The following DLGAP3 variants were observed in gnomAD, a reference collection of about 807,000 sequenced individuals.
DLGAP3 encodes DLG associated protein 3.
DLGAP3 carries 17 observed loss-of-function variants against 81.2 expected under a neutral mutation model. The ratio of observed to expected loss-of-function variants is 0.21; its 90% confidence interval spans 0.14 to 0.31. The LOEUF (loss-of-function observed/expected upper bound fraction) is 0.31. Ranked by LOEUF, DLGAP3 falls within the 10% of genes least tolerant of loss-of-function variation. The pLI, the probability that DLGAP3 is intolerant of heterozygous loss-of-function variation, is 1.00. For synonymous variants in DLGAP3, 577 were observed against 587.4 expected, an observed-to-expected ratio of 0.98 and a Z score of 0.26; for missense variants, 1,124 against 1,388.0, an observed-to-expected ratio of 0.81 and a Z score of 3.02.
At chr1:34,928,484 C>G (rs937568669) in intron 1 of DLGAP3, among the ~76,000 whole-genome samples, 1 of 151,776 alleles carries the variant, frequency 6.6e-6, no homozygotes, top group African/African-American at 2.4e-5. Context: ...CCAGAGGGCA[C>G]CCCCTGAGGT....
Position 34,900,371 on chromosome 1 carries a change from C to CTTGAACA in DLGAP3, c.1108-105_1108-99dup. 1 of 1,268,374 alleles carries CTTGAACA rather than the reference C, an allele frequency of 7.9e-7. No homozygotes were observed. Among genetic ancestry groups the CTTGAACA allele is most frequent in the Non-Finnish European group, 1.1e-6 (1 of 878,014 alleles). The allele number at this position is 1,268,374 out of a possible 1,614,324, so 78.6% of individuals were successfully genotyped here. On this transcript the variant is annotated intron_variant, in intron 3 of 11. Transcript: ENST00000373347. The surrounding 1 kb of genome is among the most constrained non-coding windows in gnomAD (Gnocchi z 5.6). ...GCCAGTGGGAGATGCCCTGCCCTGG[C>CTTGAACA]TTGAACAGGCACACTCAGGTACATG...
intron 7 of DLGAP3, 42 bp downstream of exon 7, chr1:34,885,436 G>A (rs1363943760): frequency 1.1e-5 from 17 of 1,597,810 alleles, no homozygotes; most frequent in Admixed American, 1.7e-5. Context: ...AGCCCCGACC[G>A]ACCAGGGTCA....
chr1:34,870,872 A>G (rs1394794925), intron 8 of DLGAP3, among the ~76,000 whole-genome samples: 1 of 152,206 alleles, frequency 6.6e-6, no homozygotes, highest in African/African-American at 2.4e-5. Context: ...TGGCTTTCTC[A>G]CTGTGTGCCT....
At chr1:34,899,594 T>A in intron 5 of DLGAP3, 75 bp downstream of exon 5, 1 of 1,323,322 alleles carries the variant, frequency 7.6e-7, no homozygotes, top group Middle Eastern at 2.2e-4. Flanking sequence ...ACCCTCTGAT[T>A]TTAAGTCCTA....
chr1:34,885,842 T>A (rs1334737403), intron 6 of DLGAP3, 51 bp from the exon 7 acceptor site: 1 of 1,360,226 alleles, frequency 7.4e-7, no homozygotes, highest in East Asian at 2.6e-5. Flanking sequence ...CGGCCCTGCC[T>A]GGGTCCTGGG....
intron 5 of DLGAP3, among the ~76,000 whole-genome samples, chr1:34,890,782 C>T (rs1049926813): frequency 2.0e-5 from 3 of 152,234 alleles, no homozygotes; most frequent in Non-Finnish European, 4.4e-5. Flanking sequence ...TTGTGAGACA[C>T]TTGACCCAGT....
At chr1:34,909,960 T>G (rs972735172) in intron 1 of DLGAP3, among the ~76,000 whole-genome samples, 11 of 152,198 alleles carry the variant, frequency 7.2e-5, no homozygotes, top group African/African-American at 2.4e-4. Context: ...ATGATTCCAT[T>G]TTGGCTAATG....
At position 34,929,181 on chromosome 1, in the gene DLGAP3, T is replaced by C. The variant is rs934217818; in HGVS notation, c.-135+270A>G. Among the ~76,000 whole-genome samples the C allele has an allele frequency of 4.6e-5, 7 of 151,642 alleles. No homozygotes were observed. The highest frequency in any genetic ancestry group is 1.7e-4 in the African/African-American group (7 of 41,358). ...AGCCGGGCGAGGGCTGGGCCGGGGC[T>C]GGCCTGTCCCCGCGGCCCTGACCGG... On this transcript the variant is annotated intron_variant, in intron 1 of 11. Coordinates refer to ENST00000373347, the MANE Select transcript of DLGAP3 (RefSeq NM_001080418.3). This position sits in a 1 kb window ranked among gnomAD's most constrained non-coding sequence, Gnocchi z 6.5.
chr1:34,909,094 C>G (rs1639601869), intron 1 of DLGAP3, among the ~76,000 whole-genome samples: 1 of 152,232 alleles, frequency 6.6e-6, no homozygotes, highest in African/African-American at 2.4e-5. Context: ...CCCAGACTAT[C>G]CCATTTGCTC....
At chr1:34,914,974 G>A (rs540566804) in intron 1 of DLGAP3, among the ~76,000 whole-genome samples, 174 of 152,310 alleles carry the variant, frequency 1.1e-3, no homozygotes, top group Non-Finnish European at 2.0e-3. Context: ...TGGCACCTGA[G>A]AGGACTAGAG....
At chr1:34,910,496 G>A (rs150849728) in intron 1 of DLGAP3, among the ~76,000 whole-genome samples, 2 of 152,334 alleles carry the variant, frequency 1.3e-5, no homozygotes, top group African/African-American at 4.8e-5. Flanking sequence ...GGCCTGCAGG[G>A]TCTGGCCCTT....
At chr1:34,876,525 G>A (rs1639061309) in intron 8 of DLGAP3, among the ~76,000 whole-genome samples, 1 of 152,194 alleles carries the variant, frequency 6.6e-6, no homozygotes, top group Non-Finnish European at 1.5e-5. Context: ...TCGCTTTTAT[G>A]CACCAGTTGG....
At position 34,865,584 on chromosome 1, in the gene DLGAP3, CTG is replaced by C. The variant is rs1436864435; in HGVS notation, c.*497_*498del. 4.7e-6 allele frequency: 1 copy of C among 211,518 alleles called. No individual in the cohort carries two copies. Among genetic ancestry groups the C allele is most frequent in the African/African-American group, 2.4e-5 (1 of 41,682 alleles). The allele number at this position is 211,518 out of a possible 1,614,324, so 13.1% of individuals were successfully genotyped here. A position where few individuals can be genotyped will look rare whatever the true frequency, so the allele number is the denominator to read the frequency against. ...CCCTGGTCCTGGGTTGGTCCAGCCA[CTG>C]TGGTCCCTGGGCCCAGTGGGCAGAG... is the stretch of plus-strand genomic sequence containing the variant. On this transcript the variant is annotated 3_prime_UTR_variant, in exon 12 of 12. Coordinates refer to ENST00000373347, the MANE Select transcript of DLGAP3 (RefSeq NM_001080418.3).
At chr1:34,927,272 C>G (rs1639889488) in intron 1 of DLGAP3, among the ~76,000 whole-genome samples, 1 of 152,282 alleles carries the variant, frequency 6.6e-6, no homozygotes, top group South Asian at 2.1e-4. Flanking sequence ...GGGGAGAGTT[C>G]AGGAATAGAA....
In DLGAP3 at chr1:34,900,243, T is replaced by G. The variant is rs1034304546; in HGVS notation, c.1138A>C (p.Thr380Pro). Residue 380 changes from threonine to proline, a missense_variant, in exon 4 of 12, where the codon ACC becomes CCC. This residue lies in a region of DLGAP3 where 357 missense variants were observed against 408.8 expected (regional missense o/e 0.87). Coordinates refer to ENST00000373347, the MANE Select transcript of DLGAP3 (RefSeq NM_001080418.3). The surrounding 1 kb of genome is among the most constrained non-coding windows in gnomAD (Gnocchi z 5.6). ...VPQDDWGGYP[T>P]GGKDGEIPCR... ...GGGATCTCCCCATCCTTGCCACCGG[T>G]GGGGTAACCCCCCCAGTCATCTTGC... The G allele has an allele frequency of 1.6e-5, 26 of 1,614,020 alleles. No homozygotes were observed. Among genetic ancestry groups the G allele is most frequent in the Non-Finnish European group, 2.0e-5 (24 of 1,180,016 alleles).
chr1:34,873,790 A>G lies in DLGAP3; in HGVS notation c.2001-4701T>C, dbSNP rs180748025. 8.4e-4 allele frequency among the ~76,000 whole-genome samples: 128 copies of G among 152,108 alleles called. 1 individual carries two copies. In the East Asian group the frequency reaches 0.024, roughly 29 times the overall value. ...TGGTTATTTGCATAAGTGTCTCCTC[A>G]CTAAATAGGGCAGTTCATCACACTG... On this transcript the variant is annotated intron_variant, in intron 8 of 11. Coordinates refer to ENST00000373347, the MANE Select transcript of DLGAP3 (RefSeq NM_001080418.3). The surrounding 1 kb of genome is among the most constrained non-coding windows in gnomAD (Gnocchi z 4.2).
At position 34,904,190 on chromosome 1, in the gene DLGAP3, C is replaced by T; in HGVS notation, c.1107+87G>A. ...GGCCCTCCATCACAGGGACAGCTGG[C>T]TCCCACCCAACCCTTTCCACTGCTC... On this transcript the variant is annotated intron_variant, in intron 3 of 11. Coordinates refer to ENST00000373347, the MANE Select transcript of DLGAP3 (RefSeq NM_001080418.3). The surrounding 1 kb of genome is among the most constrained non-coding windows in gnomAD (Gnocchi z 8.1). 6.5e-7 allele frequency: 1 copy of T among 1,535,820 alleles called. No homozygotes were observed. Among genetic ancestry groups the T allele is most frequent in the Non-Finnish European group, 8.9e-7 (1 of 1,123,210 alleles).
Position 34,868,911 on chromosome 1 carries a change from C to G in DLGAP3, c.2179G>C (p.Val727Leu). ...QPGPRAPTYSVFRTVHTQGQW... is the reference protein window; with the variant it reads ...QPGPRAPTYSLFRTVHTQGQW... ...CCCTGCGTGTGGACCGTGCGGAAGACTGAGTAGGTGGGGGCCCGGGGCCCA... is the reference window on the plus strand; with the variant it reads ...CCCTGCGTGTGGACCGTGCGGAAGAGTGAGTAGGTGGGGGCCCGGGGCCCA... The change falls in exon 9 of 12, where the codon GTC becomes CTC. Residue 727 changes from valine (V) to leucine (L), a missense_variant. Transcript: ENST00000373347. The surrounding 1 kb of genome is among the most constrained non-coding windows in gnomAD (Gnocchi z 7.5). 1 of 1,607,812 alleles carries G rather than the reference C, an allele frequency of 6.2e-7. No homozygotes were observed. Among genetic ancestry groups the G allele is most frequent in the Non-Finnish European group, 8.5e-7 (1 of 1,179,714 alleles).
rs750694795 is a variant in DLGAP3 at position 34,899,772 on chromosome 1, C to G, written c.1314-31G>C. On this transcript the variant is annotated intron_variant, in intron 4 of 11. Transcript: ENST00000373347. ...AAAGGGCAAAATTCCGGAGTCAGAA[C>G]AGTGGACTGCTAGGAGGTGGGGGAG... is the stretch of plus-strand genomic sequence containing the variant. The G allele has an allele frequency of 1.3e-5, 21 of 1,600,304 alleles. 1 individual carries two copies. Among genetic ancestry groups the G allele is most frequent in the Middle Eastern group, 3.4e-4 (2 of 5,902 alleles).
Sources: gnomAD v4.1 joint callset for allele counts (sites outside exome capture counted in the v4.1 genomes callset) on GRCh38, gnomAD v4.1.1 for gene constraint, gnomAD v4.1.1 regional missense constraint, Gnocchi (gnomAD v3.1) non-coding constraint, MANE v1.5 for transcripts, NCBI Gene and HGNC (gene_info 2026-07-23, HGNC 2026-07-21) for gene names.